Variants in CSMD2 observed in about 807,000 individuals in gnomAD.
CSMD2 encodes CUB and Sushi multiple domains 2, also known as CUB and sushi domain-containing protein 2.
Under a neutral mutation model 398.5 loss-of-function variants are expected in CSMD2, and 130 were observed. The observed-to-expected ratio is 0.33, with a 90% confidence interval of 0.28 to 0.38. The LOEUF (loss-of-function observed/expected upper bound fraction) is 0.38. Ranked by LOEUF, CSMD2 falls within the 10% of genes least tolerant of loss-of-function variation. The pLI is 1.00. For missense variants in CSMD2, 3,829 were observed against 4,764.9 expected, an observed-to-expected ratio of 0.80 and a Z score of 5.78; for synonymous variants, 1,828 against 1,908.5, an observed-to-expected ratio of 0.96 and a Z score of 1.10.
At chr1:33,848,800 C>T (rs1416804535) in intron 5 of CSMD2, among the ~76,000 whole-genome samples, 3 of 134,370 alleles carry the variant, frequency 2.2e-5, no homozygotes, top group South Asian at 2.3e-4. Flanking sequence ...GAGCCACAAA[C>T]GTATTGTGGG....
intron 13 of CSMD2, chr1:33,772,364 CA>C: frequency 1.9e-6 from 1 of 525,706 alleles, no homozygotes; most frequent in Non-Finnish European, 3.4e-6. Flanking sequence ...ATGTCAGGAG[CA>C]CTTGTTCTCA....
chr1:33,630,194 C>A (rs1642383949), intron 32 of CSMD2, among the ~76,000 whole-genome samples: 1 of 152,026 alleles, frequency 6.6e-6, no homozygotes, highest in South Asian at 2.1e-4. Context: ...CTCTATAGCT[C>A]TTTACTTGAA....
At position 33,652,196 on chromosome 1, in the gene CSMD2, G is replaced by C. The variant is rs554239241; in HGVS notation, c.4586+127C>G. On this transcript the variant is annotated intron_variant, in intron 28 of 70. Transcript: ENST00000373381. Reference sequence around the variant, plus strand: ...ATAAATGCTAGTTTCTCTCTCTCTCGGCTTCTTCACCTCCCTGGAGCTGAG... The same window carrying C: ...ATAAATGCTAGTTTCTCTCTCTCTCCGCTTCTTCACCTCCCTGGAGCTGAG... 125 of 932,678 alleles carry C rather than the reference G, an allele frequency of 1.3e-4. No homozygotes were observed. In the African/African-American group the frequency reaches 1.7e-3, roughly 12 times the overall value. 57.8% of individuals were successfully genotyped at this position (932,678 alleles called of 1,614,324 possible). A position where few individuals can be genotyped will look rare whatever the true frequency, so the allele number is the denominator to read the frequency against.
intron 6 of CSMD2, among the ~76,000 whole-genome samples, chr1:33,829,753 G>T (rs1284895757): frequency 6.6e-6 from 1 of 152,236 alleles, no homozygotes; most frequent in Non-Finnish European, 1.5e-5. Flanking sequence ...CCCTTTCATG[G>T]TCAAGGAAAG....
chr1:34,044,766 T>C (rs1483851966), intron 2 of CSMD2, among the ~76,000 whole-genome samples: 1 of 152,236 alleles, frequency 6.6e-6, no homozygotes, highest in African/African-American at 2.4e-5. Flanking sequence ...TGGGCCTTTA[T>C]TGAATGGTTC....
intron 25 of CSMD2, among the ~76,000 whole-genome samples, chr1:33,668,832 G>A (rs903811930): frequency 3.3e-5 from 5 of 152,244 alleles, no homozygotes; most frequent in African/African-American, 4.8e-5. Context: ...CATGTTGCAT[G>A]TCAAGCTCTG....
chr1:33,999,562 A>ATT (rs34721676), intron 3 of CSMD2, among the ~76,000 whole-genome samples: 2 of 147,108 alleles, frequency 1.4e-5, no homozygotes, highest in South Asian at 4.4e-4. Context: ...CACCCAGCTA[A>ATT]TTTTTTTTTT....
chr1:33,675,307 A>G (rs1460151711), intron 25 of CSMD2, among the ~76,000 whole-genome samples: 1 of 152,178 alleles, frequency 6.6e-6, no homozygotes, highest in Non-Finnish European at 1.5e-5. Context: ...AATACAAACT[A>G]CCATCAGAGA....
rs766867812 is a variant in CSMD2, at chr1:33,690,591, C to T, written c.4052+2339G>A. Among the ~76,000 whole-genome samples the T allele has an allele frequency of 5.1e-4, 77 of 152,160 alleles. 1 individual carries two copies. The highest frequency in any genetic ancestry group is 3.3e-4 in the Admixed American group (5 of 15,282). ...GGAATGAATGCATCAATGAATGATGCTCCAAGTGAAGAAAGTGGGAAAACC... is the reference window on the plus strand; with the variant it reads ...GGAATGAATGCATCAATGAATGATGTTCCAAGTGAAGAAAGTGGGAAAACC... On this transcript the variant is annotated intron_variant, in intron 25 of 70. Transcript: ENST00000373381.
At chr1:33,708,580 C>A (rs1311898860) in intron 22 of CSMD2, among the ~76,000 whole-genome samples, 1 of 56,608 alleles carries the variant, frequency 1.8e-5, no homozygotes, top group Non-Finnish European at 3.6e-5. Context: ...CCATTGGCTG[C>A]TCCAACCGAA....
chr1:33,728,331 C>T (rs1200530386), intron 15 of CSMD2, among the ~76,000 whole-genome samples: 1 of 119,424 alleles, frequency 8.4e-6, no homozygotes, highest in South Asian at 2.9e-4. Context: ...ATACCCAATC[C>T]TCTTTTTTTT....
chr1:34,161,431 T>C (rs1351694405), intron 1 of CSMD2, among the ~76,000 whole-genome samples: 1 of 151,910 alleles, frequency 6.6e-6, no homozygotes, highest in East Asian at 1.9e-4. Flanking sequence ...TGGGAAAAAG[T>C]ACAAAGAATT....
At chr1:33,946,460 C>T (rs1419535284) in intron 3 of CSMD2, among the ~76,000 whole-genome samples, 2 of 152,132 alleles carry the variant, frequency 1.3e-5, no homozygotes, top group Admixed American at 1.3e-4. Context: ...GTTCTGGGGG[C>T]AGGATTGGCC....
At chr1:33,669,226 G>A (rs1421559395) in intron 25 of CSMD2, among the ~76,000 whole-genome samples, 1 of 152,180 alleles carries the variant, frequency 6.6e-6, no homozygotes, top group Non-Finnish European at 1.5e-5. Context: ...ATTTGAAGAG[G>A]CAAGGAAAGC....
intron 3 of CSMD2, among the ~76,000 whole-genome samples, chr1:33,942,367 T>C (rs1375641379): frequency 6.6e-6 from 1 of 152,220 alleles, no homozygotes; most frequent in Non-Finnish European, 1.5e-5. Context: ...GGAGAGGATT[T>C]GGGGTGACAA....
chr1:33,689,255 T>C (rs1376127066), intron 25 of CSMD2, among the ~76,000 whole-genome samples: 1 of 152,174 alleles, frequency 6.6e-6, no homozygotes, highest in African/African-American at 2.4e-5. Context: ...TGCCACTCTA[T>C]CTCCATCTTT....
intron 40 of CSMD2, among the ~76,000 whole-genome samples, chr1:33,612,716 C>T (rs1159216389): frequency 6.5e-5 from 9 of 138,436 alleles, no homozygotes; most frequent in Admixed American, 3.8e-4. Context: ...GAGTCTTGTT[C>T]GGTCGCCCGG....
chr1:33,650,445 G>C (rs954827013), intron 28 of CSMD2, among the ~76,000 whole-genome samples: 1 of 152,044 alleles, frequency 6.6e-6, no homozygotes, highest in African/African-American at 2.4e-5. Context: ...GGAAGTTGCT[G>C]TGAAGGCAGA....
intron 41 of CSMD2, chr1:33,605,983 T>G: frequency 1.2e-6 from 2 of 1,611,872 alleles, no homozygotes; most frequent in South Asian, 2.2e-5. Flanking sequence ...TGGGAGTAAG[T>G]CAAATCTGTG....
Sources: allele counts gnomAD v4.1 joint callset (sites outside exome capture counted in the v4.1 genomes callset), GRCh38; gene constraint gnomAD v4.1.1; transcripts MANE v1.5; gene names NCBI Gene and HGNC (gene_info 2026-07-23, HGNC 2026-07-21).